The following FRMD5 variants were observed in gnomAD, a reference collection of about 807,000 sequenced individuals.
FRMD5 encodes the protein FERM domain-containing protein 5.
Under a neutral mutation model 69.0 loss-of-function variants are expected in FRMD5, and 20 were observed. That is an observed-to-expected ratio of 0.29 (90% CI 0.20 to 0.42). The LOEUF (loss-of-function observed/expected upper bound fraction) is 0.42. Ranked by LOEUF, FRMD5 falls within the 10% of genes least tolerant of loss-of-function variation. The pLI is 1.00. For synonymous variants in FRMD5, 271 were observed against 260.1 expected, an observed-to-expected ratio of 1.04 and a Z score of -0.40; for missense variants, 595 against 708.6, an observed-to-expected ratio of 0.84 and a Z score of 1.82.
At chr15:43,876,201 C>G (rs988003190) in intron 13 of FRMD5, 4 of 1,598,658 alleles carry the variant, frequency 2.5e-6, no homozygotes, top group Admixed American at 1.7e-5. Flanking sequence ...GGCTGCACCC[C>G]CTTTCCCCGC....
intron 1 of FRMD5, among the ~76,000 whole-genome samples, chr15:44,149,282 A>C (rs1026624181): frequency 6.6e-6 from 1 of 152,164 alleles, no homozygotes; most frequent in Admixed American, 6.5e-5. Flanking sequence ...ACACAAAAAG[A>C]AATAAGAAAG....
chr15:44,166,239 T>A (rs1331138344), intron 1 of FRMD5, among the ~76,000 whole-genome samples: 1 of 152,182 alleles, frequency 6.6e-6, no homozygotes, highest in East Asian at 1.9e-4. Flanking sequence ...AATTGTCCAC[T>A]TTGTGGCATT....
At chr15:44,019,981 G>A (rs1323095398) in intron 1 of FRMD5, among the ~76,000 whole-genome samples, 1 of 151,696 alleles carries the variant, frequency 6.6e-6, no homozygotes, top group Non-Finnish European at 1.5e-5. Flanking sequence ...AAATGAGACT[G>A]CAAAATATTT....
chr15:44,009,458 T>C (rs780279806), intron 1 of FRMD5, among the ~76,000 whole-genome samples: 1 of 152,204 alleles, frequency 6.6e-6, no homozygotes, highest in Non-Finnish European at 1.5e-5. Flanking sequence ...GGCAGGATGA[T>C]TGCTTGATCC....
chr15:44,007,294 G>C (rs898369008), intron 1 of FRMD5, among the ~76,000 whole-genome samples: 1 of 152,056 alleles, frequency 6.6e-6, no homozygotes, highest in Non-Finnish European at 1.5e-5. Flanking sequence ...TATGCACTGG[G>C]AAACCAAAAA....
chr15:43,974,777 T>A (rs1243264458), intron 1 of FRMD5, among the ~76,000 whole-genome samples: 4 of 152,262 alleles, frequency 2.6e-5, no homozygotes, highest in African/African-American at 2.4e-5. Context: ...GGAAGCCTAC[T>A]TTGTAGCCAA....
At chr15:44,121,364 G>T (rs942694873) in intron 1 of FRMD5, among the ~76,000 whole-genome samples, 3 of 152,014 alleles carry the variant, frequency 2.0e-5, no homozygotes, top group Admixed American at 2.0e-4. Flanking sequence ...AAGGAGATTG[G>T]CTATGGAAGA....
rs1477127999 is a variant in FRMD5, at chr15:43,875,364, ATATATATAT to A, written c.1136-911_1136-903del. Among the ~76,000 whole-genome samples, 8 of 76,198 alleles carry A rather than the reference ATATATATAT, an allele frequency of 1.0e-4. No individual in the cohort carries two copies. In the East Asian group the frequency reaches 2.7e-3, roughly 26 times the overall value. 50.0% of individuals were successfully genotyped at this position (76,198 alleles called of 152,430 possible). On this transcript the variant is annotated intron_variant, in intron 13 of 13. Transcript: ENST00000417257. ...AGACTGTCTCAAAAAAAAAAAAAAA[ATATATATAT>A]ATATATATATATATATATATGTATG...
At chr15:43,910,289 T>A (rs1461296094) in intron 4 of FRMD5, among the ~76,000 whole-genome samples, 1 of 151,944 alleles carries the variant, frequency 6.6e-6, no homozygotes. Flanking sequence ...CCAGCCCCAG[T>A]CGATCTGGTG....
At chr15:43,985,842 C>T (rs965272307) in intron 1 of FRMD5, among the ~76,000 whole-genome samples, 1 of 152,120 alleles carries the variant, frequency 6.6e-6, no homozygotes, top group Non-Finnish European at 1.5e-5. Context: ...AAAGGTATTG[C>T]CCCTGGAGGA....
At chr15:44,113,781 G>A (rs927897823) in intron 1 of FRMD5, among the ~76,000 whole-genome samples, 50 of 152,116 alleles carry the variant, frequency 3.3e-4, no homozygotes, top group African/African-American at 1.2e-3. Flanking sequence ...TATATTCTCT[G>A]ATCATCAGTT....
intron 4 of FRMD5, among the ~76,000 whole-genome samples, chr15:43,916,257 T>G (rs2089385335): frequency 1.3e-5 from 2 of 152,184 alleles, no homozygotes; most frequent in East Asian, 1.9e-4. Context: ...TTACCAGGAC[T>G]TGGATGACTA....
At chr15:44,162,679 C>T (rs960634580) in intron 1 of FRMD5, among the ~76,000 whole-genome samples, 5 of 149,036 alleles carry the variant, frequency 3.4e-5, no homozygotes, top group Admixed American at 6.7e-5. Context: ...ACCAGCCTGA[C>T]CAACATGGAG....
intron 1 of FRMD5, among the ~76,000 whole-genome samples, chr15:44,155,884 C>A (rs955846803): frequency 1.6e-4 from 25 of 152,168 alleles, no homozygotes; most frequent in Admixed American, 3.3e-4. Context: ...TGTGAGCCAA[C>A]ACGCCTGGCT....
At chr15:43,981,171 G>C (rs2140621941) in intron 1 of FRMD5, among the ~76,000 whole-genome samples, 1 of 152,212 alleles carries the variant, frequency 6.6e-6, no homozygotes, top group South Asian at 2.1e-4. Flanking sequence ...TGTTGGCCAG[G>C]CTGGTCTCAA....
At chr15:43,940,803 G>A (rs1430788085) in intron 1 of FRMD5, among the ~76,000 whole-genome samples, 1 of 152,146 alleles carries the variant, frequency 6.6e-6, no homozygotes, top group Non-Finnish European at 1.5e-5. Flanking sequence ...AGGAATGGAG[G>A]ATAATTAGCA....
chr15:44,060,653 G>C (rs1893052684), intron 1 of FRMD5, among the ~76,000 whole-genome samples: 1 of 151,996 alleles, frequency 6.6e-6, no homozygotes, highest in Admixed American at 6.6e-5. Flanking sequence ...GATGACCTAG[G>C]ACAACAGAAA....
At chr15:44,170,396 A>C (rs1447652587) in intron 1 of FRMD5, among the ~76,000 whole-genome samples, 1 of 151,986 alleles carries the variant, frequency 6.6e-6, no homozygotes, top group Non-Finnish European at 1.5e-5. Flanking sequence ...GGTGGCATAC[A>C]TCTCTAATCC....
intron 1 of FRMD5, among the ~76,000 whole-genome samples, chr15:44,100,047 CTTTTTTT>C (rs375230009): frequency 7.7e-6 from 1 of 129,272 alleles, no homozygotes; most frequent in Admixed American, 7.8e-5. Context: ...TTCTTCTTCT[CTTTTTTT>C]TTTTTTTTTT....
Sources: allele counts gnomAD v4.1 joint callset (sites outside exome capture counted in the v4.1 genomes callset), GRCh38; gene constraint gnomAD v4.1.1; transcripts MANE v1.5; gene names NCBI Gene and HGNC (gene_info 2026-07-23, HGNC 2026-07-21).